NKAIN3: variants seen among roughly 807,000 people sequenced by gnomAD.
NKAIN3 encodes sodium/potassium transporting ATPase interacting 3.
NKAIN3 carries 25 observed loss-of-function variants against 30.2 expected under a neutral mutation model. The ratio of observed to expected loss-of-function variants is 0.83; its 90% CI spans 0.60 to 1.16. NKAIN3 has a LOEUF of 1.16. Ranked by LOEUF, NKAIN3 falls within the 50% of genes most tolerant of loss-of-function variation. The pLI is 0.00. For missense variants in NKAIN3, 225 were observed against 254.1 expected (o/e 0.89, Z 0.78); for synonymous variants, 91 against 89.6 (o/e 1.02, Z -0.09).
chr8:62,683,321 A>G (rs1813703007), intron 3 of NKAIN3, among the ~76,000 whole-genome samples: 1 of 152,192 alleles, frequency 6.6e-6, no homozygotes, highest in Non-Finnish European at 1.5e-5. Context: ...GGCATGAGCC[A>G]CCACGCCTGG....
At chr8:62,359,066 C>G (rs191575310) in intron 1 of NKAIN3, among the ~76,000 whole-genome samples, 87 of 152,202 alleles carry the variant, frequency 5.7e-4, no homozygotes, top group African/African-American at 1.9e-3. Context: ...CGCCTGTATT[C>G]CCAGCTACTT....
chr8:62,765,575 G>T (rs1406525998), intron 4 of NKAIN3, among the ~76,000 whole-genome samples: 1 of 151,872 alleles, frequency 6.6e-6, no homozygotes, highest in Non-Finnish European at 1.5e-5. Context: ...TAGGAGCTAG[G>T]GTATAAGAAA....
intron 5 of NKAIN3, among the ~76,000 whole-genome samples, chr8:62,932,882 C>T (rs1393626008): frequency 6.6e-6 from 1 of 151,950 alleles, no homozygotes; most frequent in Non-Finnish European, 1.5e-5. Flanking sequence ...GGATTACAAG[C>T]ACCCGGCTGG....
intron 1 of NKAIN3, among the ~76,000 whole-genome samples, chr8:62,284,954 G>T (rs1813329518): frequency 1.3e-5 from 2 of 152,134 alleles, no homozygotes; most frequent in South Asian, 4.1e-4. Flanking sequence ...TTAGTTTTTA[G>T]ATTCTCTTTA....
chr8:62,740,548 AG>A (rs1350084942), intron 3 of NKAIN3, among the ~76,000 whole-genome samples: 5 of 152,180 alleles, frequency 3.3e-5, no homozygotes, highest in Non-Finnish European at 5.9e-5. Flanking sequence ...ACCCAAAAAA[AG>A]GAGATTATTA....
intron 6 of NKAIN3, among the ~76,000 whole-genome samples, chr8:62,960,182 C>T (rs896157753): frequency 4.6e-5 from 7 of 152,214 alleles, no homozygotes; most frequent in East Asian, 1.9e-4. Flanking sequence ...TTTATTAGGA[C>T]GGAATGATGC....
At chr8:62,442,376 A>T (rs1245786430) in intron 1 of NKAIN3, among the ~76,000 whole-genome samples, 1 of 151,976 alleles carries the variant, frequency 6.6e-6, no homozygotes, top group African/African-American at 2.4e-5. Context: ...ATTTATTGGC[A>T]TATGGATGCA....
At chr8:62,265,247 TA>T (rs993286277) in intron 1 of NKAIN3, among the ~76,000 whole-genome samples, 2 of 152,236 alleles carry the variant, frequency 1.3e-5, no homozygotes, top group Non-Finnish European at 2.9e-5. Context: ...CTCTTCATCG[TA>T]AAGCCATGAA....
At chr8:62,738,849 G>A (rs1253662097) in intron 3 of NKAIN3, among the ~76,000 whole-genome samples, 1 of 152,004 alleles carries the variant, frequency 6.6e-6, no homozygotes, top group African/African-American at 2.4e-5. Context: ...GATCCCATTT[G>A]TCAATTTTGG....
At chr8:62,249,189 C>T (rs1050729411) in intron 1 of NKAIN3, 62 bp downstream of exon 1, 13 of 1,384,214 alleles carry the variant, frequency 9.4e-6, no homozygotes, top group Non-Finnish European at 1.3e-5. Context: ...GCCTCTGCGA[C>T]TCCCTCTGCG....
intron 4 of NKAIN3, among the ~76,000 whole-genome samples, chr8:62,887,831 TTCAA>T: frequency 6.6e-6 from 1 of 152,218 alleles, no homozygotes; most frequent in Non-Finnish European, 1.5e-5. Context: ...TAATAGTTGT[TTCAA>T]ATTTTTATTC....
intron 1 of NKAIN3, among the ~76,000 whole-genome samples, chr8:62,417,628 G>A (rs1804490377): frequency 6.6e-6 from 1 of 152,066 alleles, no homozygotes; most frequent in Admixed American, 6.6e-5. Flanking sequence ...ATTCTCACCA[G>A]CATTTTTTAT....
chr8:62,352,150 A>G (rs1295263134), intron 1 of NKAIN3, among the ~76,000 whole-genome samples: 3 of 152,174 alleles, frequency 2.0e-5, no homozygotes, highest in African/African-American at 4.8e-5. Flanking sequence ...AATTAGACTT[A>G]GGAGAGCAGG....
chr8:62,924,644 T>C (rs901172588), intron 5 of NKAIN3, among the ~76,000 whole-genome samples: 1 of 152,216 alleles, frequency 6.6e-6, no homozygotes, highest in Non-Finnish European at 1.5e-5. Flanking sequence ...TCCCTGATTG[T>C]CCACACCCAG....
chr8:62,303,770 GCATAAAA>G (rs1481440126), intron 1 of NKAIN3, among the ~76,000 whole-genome samples: 1 of 150,496 alleles, frequency 6.6e-6, no homozygotes, highest in African/African-American at 2.5e-5. Context: ...ATTGCCTGAT[GCATAAAA>G]GAAATACAGC....
chr8:62,737,070 A>G (rs991700115), intron 3 of NKAIN3, among the ~76,000 whole-genome samples: 1 of 152,132 alleles, frequency 6.6e-6, no homozygotes, highest in Non-Finnish European at 1.5e-5. Flanking sequence ...CTATAGCCTC[A>G]ATCTGCTTCC....
chr8:62,707,083 A>ACG lies in NKAIN3; in HGVS notation c.274-39848_274-39847insGC, dbSNP rs894186615. ...CACACACACACACACACACACACAC[A>ACG]CACGCACATATATATAAAACACAGT... is the stretch of plus-strand genomic sequence containing the variant. On this transcript the variant is annotated intron_variant, in intron 3 of 6. Transcript: ENST00000623646. Among the ~76,000 whole-genome samples the ACG allele has an allele frequency of 5.9e-5, 9 of 151,424 alleles. No individual in the cohort carries two copies. In the East Asian group the frequency reaches 1.2e-3, roughly 20 times the overall value.
At chr8:62,679,904 G>A (rs967514140) in intron 3 of NKAIN3, among the ~76,000 whole-genome samples, 1 of 152,108 alleles carries the variant, frequency 6.6e-6, no homozygotes. Flanking sequence ...AAATAACTTC[G>A]CAGGTATAAT....
downstream of NKAIN3, among the ~76,000 whole-genome samples, chr8:62,989,656 C>T (rs963163020): frequency 6.6e-6 from 1 of 152,080 alleles, no homozygotes; most frequent in Admixed American, 6.5e-5. Context: ...TGAGATCATG[C>T]CACTGCACTC....
Sources: allele counts gnomAD v4.1 joint callset (sites outside exome capture counted in the v4.1 genomes callset), GRCh38; gene constraint gnomAD v4.1.1; transcripts MANE v1.5; gene names NCBI Gene and HGNC (gene_info 2026-07-23, HGNC 2026-07-21).